LOC400499: variants seen among roughly 807,000 people sequenced by gnomAD.
At chr16:11,523,407 G>A in the LOC400499 span, 3 of 398,772 alleles carry the variant, frequency 7.5e-6, no homozygotes, top group East Asian at 7.1e-5. Context: ...GGCGTCCTGA[G>A]AGAATCACTC....
the LOC400499 span, among the ~76,000 whole-genome samples, chr16:11,433,730 G>A: frequency 6.6e-6 from 1 of 152,144 alleles, no homozygotes; most frequent in Admixed American, 6.5e-5. Context: ...AAGCGGTCAT[G>A]CCCGCATGAT....
At chr16:11,424,161 C>T in the LOC400499 span, 6,970 of 399,452 alleles carry the variant, frequency 0.017, 80 homozygotes, top group Middle Eastern at 0.026. Flanking sequence ...GTGCTTGAGG[C>T]TGGGCATGGT....
the LOC400499 span, chr16:11,393,551 G>A: frequency 1.6e-6 from 2 of 1,232,432 alleles, no homozygotes; most frequent in Non-Finnish European, 2.0e-6. Context: ...GAGCCTTGGA[G>A]CCACGAAGCT....
the LOC400499 span, among the ~76,000 whole-genome samples, chr16:11,385,720 T>C: frequency 1.3e-5 from 2 of 152,360 alleles, no homozygotes; most frequent in South Asian, 2.1e-4. Flanking sequence ...TCTATGCTTC[T>C]GTTTACATAA....
the LOC400499 span, among the ~76,000 whole-genome samples, chr16:11,516,495 T>A: frequency 6.6e-6 from 1 of 152,112 alleles, no homozygotes. Flanking sequence ...CAGCCAACTC[T>A]GCTCTGAGCC....
the LOC400499 span, among the ~76,000 whole-genome samples, chr16:11,480,894 C>A: frequency 3.9e-5 from 6 of 152,202 alleles, no homozygotes; most frequent in Admixed American, 1.3e-4. Context: ...CAAAGTCAGA[C>A]ACAAAAAGAA....
chr16:11,461,067 G>A, the LOC400499 span: 101 of 1,536,076 alleles, frequency 6.6e-5, no homozygotes, highest in East Asian at 1.2e-3. Flanking sequence ...CAAACAGCTC[G>A]GCACCCAGGG....
chr16:11,438,968 T>C, the LOC400499 span, among the ~76,000 whole-genome samples: 5 of 152,126 alleles, frequency 3.3e-5, no homozygotes, highest in African/African-American at 1.2e-4. Context: ...GTGTGCCCCA[T>C]GTCTCCTGAG....
At chr16:11,460,853 T>C in the LOC400499 span, 3 of 1,373,428 alleles carry the variant, frequency 2.2e-6, no homozygotes, top group East Asian at 2.5e-5. Context: ...GAATGACTAA[T>C]GGAAAACCCC....
the LOC400499 span, among the ~76,000 whole-genome samples, chr16:11,481,796 C>G: frequency 6.6e-6 from 1 of 152,006 alleles, no homozygotes; most frequent in East Asian, 1.9e-4. Context: ...CCATGCCCAG[C>G]AAATTGTTTT....
At chr16:11,505,214 T>C in the LOC400499 span, among the ~76,000 whole-genome samples, 3 of 151,306 alleles carry the variant, frequency 2.0e-5, no homozygotes, top group East Asian at 3.9e-4. Flanking sequence ...ATACCCACCA[T>C]GGTCGATTTC....
At chr16:11,405,776 G>A in the LOC400499 span, among the ~76,000 whole-genome samples, 1 of 152,176 alleles carries the variant, frequency 6.6e-6, no homozygotes, top group Admixed American at 6.5e-5. Flanking sequence ...CCACACAGCA[G>A]CCAGAGGGAT....
the LOC400499 span, among the ~76,000 whole-genome samples, chr16:11,409,655 G>A: frequency 2.6e-5 from 4 of 152,210 alleles, no homozygotes; most frequent in Admixed American, 2.6e-4. Flanking sequence ...GAACATTAGT[G>A]GGAAAGCTGG....
the LOC400499 span, chr16:11,391,746 C>T: frequency 8.1e-7 from 1 of 1,232,210 alleles, no homozygotes; most frequent in Non-Finnish European, 1.0e-6. Flanking sequence ...CAGTGCCTGG[C>T]TCCGGGCCCA....
chr16:11,390,430 T>A, the LOC400499 span: 1 of 1,252,302 alleles, frequency 8.0e-7, no homozygotes. Context: ...CAGTGTCACC[T>A]CCAGGTAGGC....
At chr16:11,403,408 A>C in the LOC400499 span, among the ~76,000 whole-genome samples, 1 of 152,150 alleles carries the variant, frequency 6.6e-6, no homozygotes, top group African/African-American at 2.4e-5. Context: ...GGGTGGCACA[A>C]ATACACACAC....
At chr16:11,404,954 A>C in the LOC400499 span, 1 of 398,194 alleles carries the variant, frequency 2.5e-6, no homozygotes, top group Non-Finnish European at 4.4e-6. Context: ...AGGAGGAAAA[A>C]GGGAATATTT....
the LOC400499 span, among the ~76,000 whole-genome samples, chr16:11,466,386 C>T: frequency 1.4e-5 from 2 of 139,430 alleles, no homozygotes; most frequent in Non-Finnish European, 3.1e-5. Flanking sequence ...AATTTTAATT[C>T]ATTTAGATTT....
chr16:11,463,251 C>T, the LOC400499 span, among the ~76,000 whole-genome samples: 2 of 75,834 alleles, frequency 2.6e-5, 1 homozygote, highest in African/African-American at 1.1e-4. Flanking sequence ...CTGTAGGCTC[C>T]CCACCCCCAC....
Sources: allele counts gnomAD v4.1 joint callset (sites outside exome capture counted in the v4.1 genomes callset), GRCh38; gene constraint gnomAD v4.1.1; transcripts MANE v1.5.